Variants in ASIC2 observed in about 807,000 individuals in gnomAD.
ASIC2 encodes the protein acid sensing ion channel subunit 2, also known as acid-sensing ion channel 2.
Under a neutral mutation model 57.3 loss-of-function variants are expected in ASIC2, and 25 were observed. The ratio of observed to expected loss-of-function variants is 0.44; its 90% CI spans 0.32 to 0.61. The LOEUF is 0.61. Among genes scored for constraint, ASIC2 ranks in the 20% least tolerant of loss-of-function variants. The pLI, the probability that ASIC2 is intolerant of heterozygous loss-of-function variation, is 0.06. For synonymous variants in ASIC2, 319 were observed against 307.5 expected (o/e 1.04, Z -0.39); for missense variants, 641 against 738.1 (o/e 0.87, Z 1.52).
chr17:33,352,870 C>A (rs965543700), intron 1 of ASIC2, among the ~76,000 whole-genome samples: 13 of 152,146 alleles, frequency 8.5e-5, no homozygotes, highest in African/African-American at 2.4e-4. Flanking sequence ...ATGCCCCTTA[C>A]CTTCTCTTTC....
At chr17:33,347,868 G>A (rs547764165) in intron 1 of ASIC2, among the ~76,000 whole-genome samples, 1 of 152,324 alleles carries the variant, frequency 6.6e-6, no homozygotes, top group African/African-American at 2.4e-5. Context: ...TTGGGAGGCC[G>A]AGATGGGTGG....
At chr17:33,502,269 G>A (rs974782751) in intron 1 of ASIC2, among the ~76,000 whole-genome samples, 4 of 152,164 alleles carry the variant, frequency 2.6e-5, no homozygotes, top group African/African-American at 9.7e-5. Context: ...CAACATTAAG[G>A]GGGCATGCCC....
chr17:33,596,027 C>T (rs1904967596), intron 1 of ASIC2, among the ~76,000 whole-genome samples: 1 of 152,144 alleles, frequency 6.6e-6, no homozygotes, highest in Non-Finnish European at 1.5e-5. Flanking sequence ...CCAAGCTGGG[C>T]CAATTAAGCT....
intron 1 of ASIC2, among the ~76,000 whole-genome samples, chr17:33,257,037 G>A (rs17248839): frequency 0.11 from 16,811 of 152,170 alleles, 1,099 homozygotes; most frequent in East Asian, 0.24. Flanking sequence ...CCAGGCCCCT[G>A]GGTCTAATGT....
At chr17:33,655,026 T>C (rs906954062) in intron 1 of ASIC2, among the ~76,000 whole-genome samples, 2 of 152,112 alleles carry the variant, frequency 1.3e-5, no homozygotes, top group Non-Finnish European at 2.9e-5. Context: ...TCTTGGACAG[T>C]GTCTTGACTG....
At chr17:33,053,213 A>G (rs1248112372) in intron 3 of ASIC2, among the ~76,000 whole-genome samples, 1 of 152,202 alleles carries the variant, frequency 6.6e-6, no homozygotes, top group African/African-American at 2.4e-5. Flanking sequence ...CAGAACTCAA[A>G]TTATCCAACT....
intron 1 of ASIC2, among the ~76,000 whole-genome samples, chr17:33,715,864 G>C (rs929749538): frequency 6.6e-6 from 1 of 152,126 alleles, no homozygotes; most frequent in Non-Finnish European, 1.5e-5. Flanking sequence ...TTGTAGAGAC[G>C]TCATGTAGAT....
At chr17:33,573,883 T>C (rs1290105020) in intron 1 of ASIC2, among the ~76,000 whole-genome samples, 1 of 152,240 alleles carries the variant, frequency 6.6e-6, no homozygotes, top group Non-Finnish European at 1.5e-5. Context: ...TTTAAATCTT[T>C]ATCTAAGCAA....
At chr17:33,969,993 T>A (rs1218461310) in intron 1 of ASIC2, among the ~76,000 whole-genome samples, 1 of 152,144 alleles carries the variant, frequency 6.6e-6, no homozygotes, top group Non-Finnish European at 1.5e-5. Context: ...CAGCTGCCGG[T>A]ACCATTAGGA....
intron 1 of ASIC2, among the ~76,000 whole-genome samples, chr17:33,656,765 C>G (rs983670542): frequency 5.3e-5 from 8 of 152,206 alleles, no homozygotes; most frequent in African/African-American, 1.7e-4. Flanking sequence ...TTATAATCAT[C>G]TGTTTACTTA....
intron 1 of ASIC2, among the ~76,000 whole-genome samples, chr17:34,146,139 C>T (rs57176488): frequency 0.018 from 2,773 of 152,256 alleles, 90 homozygotes; most frequent in African/African-American, 0.063. Flanking sequence ...GGGGAACAAA[C>T]CAGCTGTGCT....
At chr17:33,771,685 G>C (rs1911118278) in intron 1 of ASIC2, among the ~76,000 whole-genome samples, 1 of 152,174 alleles carries the variant, frequency 6.6e-6, no homozygotes, top group Non-Finnish European at 1.5e-5. Flanking sequence ...CTGTTGGTCA[G>C]ATCAGCATTA....
intron 1 of ASIC2, among the ~76,000 whole-genome samples, chr17:33,848,236 C>T (rs317392): frequency 1.3e-5 from 2 of 151,768 alleles, no homozygotes; most frequent in South Asian, 4.2e-4. Context: ...CATGGGCCCC[C>T]GAAGCAGCCA....
chr17:33,185,729 T>C (rs1017949778), intron 1 of ASIC2, among the ~76,000 whole-genome samples: 4 of 152,142 alleles, frequency 2.6e-5, no homozygotes, highest in Non-Finnish European at 5.9e-5. Flanking sequence ...ACTGTGTATG[T>C]GAGGAAACCA....
chr17:33,550,424 G>T (rs527738533), intron 1 of ASIC2, among the ~76,000 whole-genome samples: 4 of 152,204 alleles, frequency 2.6e-5, no homozygotes, highest in African/African-American at 7.2e-5. Flanking sequence ...TTAACAGGGC[G>T]GGACAAATCA....
At chr17:34,087,660 G>A (rs541974173) in intron 1 of ASIC2, among the ~76,000 whole-genome samples, 121 of 151,158 alleles carry the variant, frequency 8.0e-4, no homozygotes, top group East Asian at 3.9e-3. Flanking sequence ...CATTCTCCCC[G>A]TCACTTTCAG....
In ASIC2 at chr17:33,168,377, T is replaced by C. The variant is rs184410439; in HGVS notation, c.709-56310A>G. ...TGGAAAAGCAGGCAGAAAAAGCCTG[T>C]ATTGCTATAAAAGGAGCAGTAAGGA... On this transcript the variant is annotated intron_variant, in intron 1 of 9. Transcript: ENST00000225823. Among the ~76,000 whole-genome samples, 595 of 152,280 alleles carry C rather than the reference T, an allele frequency of 3.9e-3. 8 individuals carry two copies. The highest frequency in any genetic ancestry group is 0.012 in the African/African-American group (481 of 41,556).
At chr17:33,142,664 T>G (rs1002951824) in intron 1 of ASIC2, among the ~76,000 whole-genome samples, 6 of 152,184 alleles carry the variant, frequency 3.9e-5, no homozygotes, top group African/African-American at 1.4e-4. Context: ...CCCTCACTAG[T>G]CCACTTAACT....
intron 1 of ASIC2, among the ~76,000 whole-genome samples, chr17:33,785,429 C>T (rs1911573989): frequency 6.6e-6 from 1 of 152,148 alleles, no homozygotes; most frequent in South Asian, 2.1e-4. Flanking sequence ...ACAACAACTC[C>T]ATTTTATAGA....
Sources: allele counts gnomAD v4.1 joint callset (sites outside exome capture counted in the v4.1 genomes callset), GRCh38; gene constraint gnomAD v4.1.1; transcripts MANE v1.5; gene names NCBI Gene and HGNC (gene_info 2026-07-23, HGNC 2026-07-21).